The following CSMD1 variants were observed in gnomAD, a reference collection of about 807,000 sequenced individuals.
CSMD1 encodes CUB and Sushi multiple domains 1.
In CSMD1, 213 loss-of-function variants were observed where a neutral mutation model predicts 417.5. That is an observed-to-expected ratio of 0.51 (90% CI 0.46 to 0.57). The LOEUF (loss-of-function observed/expected upper bound fraction) is 0.57, where lower values mean the gene tolerates loss of function less well. Among genes scored for constraint, CSMD1 ranks in the 20% least tolerant of loss-of-function variants. CSMD1 has a pLI of 0.00. For synonymous variants in CSMD1, 2,862 were observed against 1,736.8 expected (o/e 1.65, Z -16.11); for missense variants, 6,923 against 4,529.7 (o/e 1.53, Z -15.17).
chr8:3,367,377 A>C (rs1809664321), intron 19 of CSMD1, 130 bp from the exon 20 acceptor site: 1 of 638,846 alleles, frequency 1.6e-6, no homozygotes. Flanking sequence ...AGAGAAAATA[A>C]GAGGGGAAGA....
At chr8:4,913,483 G>A (rs182055385) in intron 1 of CSMD1, among the ~76,000 whole-genome samples, 1 of 152,078 alleles carries the variant, frequency 6.6e-6, no homozygotes, top group African/African-American at 2.4e-5. Context: ...GCATCAAATA[G>A]AGAATGAAAA....
chr8:4,572,348 G>A (rs1289814593), intron 2 of CSMD1, among the ~76,000 whole-genome samples: 1 of 152,132 alleles, frequency 6.6e-6, no homozygotes, highest in Non-Finnish European at 1.5e-5. Flanking sequence ...CTTTTCTATG[G>A]AGGATTTTAT....
At chr8:4,968,568 G>C (rs543009740) in intron 1 of CSMD1, among the ~76,000 whole-genome samples, 1 of 151,558 alleles carries the variant, frequency 6.6e-6, no homozygotes, top group Non-Finnish European at 1.5e-5. Context: ...ATTTTTTTCC[G>C]GGCCTGAACC....
chr8:4,949,913 AGTGT>A (rs36057334), intron 1 of CSMD1, among the ~76,000 whole-genome samples: 12 of 151,082 alleles, frequency 7.9e-5, no homozygotes, highest in Admixed American at 2.0e-4. Context: ...CACCAACTTG[AGTGT>A]GTGTGTGTGT....
intron 3 of CSMD1, among the ~76,000 whole-genome samples, chr8:4,257,377 A>G (rs778879395): frequency 2.0e-5 from 3 of 152,152 alleles, no homozygotes; most frequent in African/African-American, 7.2e-5. Context: ...AGAAAATTAT[A>G]TATTACCATT....
chr8:3,581,175 C>A (rs113732797), intron 9 of CSMD1, among the ~76,000 whole-genome samples: 4 of 152,092 alleles, frequency 2.6e-5, no homozygotes, highest in African/African-American at 9.7e-5. Context: ...CCAGCCTGAA[C>A]ATTTTACTTA....
At chr8:3,874,962 C>G (rs1025429214) in intron 5 of CSMD1, among the ~76,000 whole-genome samples, 2 of 152,068 alleles carry the variant, frequency 1.3e-5, no homozygotes, top group Non-Finnish European at 2.9e-5. Flanking sequence ...GAGCTTCTAC[C>G]ATGAAGGAGC....
chr8:4,751,079 T>C (rs534232862), intron 1 of CSMD1, among the ~76,000 whole-genome samples: 1 of 152,268 alleles, frequency 6.6e-6, no homozygotes, highest in South Asian at 2.1e-4. Flanking sequence ...GATATACATG[T>C]GCATCGTTAA....
At chr8:4,897,997 TCTGTA>T (rs1804617201) in intron 1 of CSMD1, among the ~76,000 whole-genome samples, 1 of 152,150 alleles carries the variant, frequency 6.6e-6, no homozygotes, top group Admixed American at 6.5e-5. Context: ...TTCTTTTAGC[TCTGTA>T]CTGGAAAAAC....
intron 12 of CSMD1, among the ~76,000 whole-genome samples, chr8:3,433,535 T>C (rs1327949918): frequency 4.6e-5 from 7 of 152,210 alleles, no homozygotes; most frequent in Admixed American, 3.9e-4. Flanking sequence ...GTAATGACCA[T>C]GGTTCTTTCG....
At chr8:4,028,855 C>G (rs1797199264) in intron 4 of CSMD1, among the ~76,000 whole-genome samples, 1 of 152,134 alleles carries the variant, frequency 6.6e-6, no homozygotes. Flanking sequence ...ATTTTGTACT[C>G]AAAAGATAAA....
At chr8:3,814,185 C>CA (rs1801243634) in intron 5 of CSMD1, among the ~76,000 whole-genome samples, 2 of 152,298 alleles carry the variant, frequency 1.3e-5, no homozygotes, top group South Asian at 4.1e-4. Context: ...ATGCAAACTG[C>CA]AAGACACTTT....
intron 1 of CSMD1, among the ~76,000 whole-genome samples, chr8:4,978,673 C>G (rs910256757): frequency 6.6e-6 from 1 of 152,172 alleles, no homozygotes; most frequent in African/African-American, 2.4e-5. Context: ...CACGGTGGCT[C>G]ATTCCTGTAA....
intron 1 of CSMD1, among the ~76,000 whole-genome samples, chr8:4,829,296 T>C (rs1268700545): frequency 6.6e-6 from 1 of 152,204 alleles, no homozygotes; most frequent in Non-Finnish European, 1.5e-5. Flanking sequence ...ATAAGCTTTA[T>C]CCCATCAAAC....
intron 6 of CSMD1, among the ~76,000 whole-genome samples, chr8:3,736,239 T>C (rs1020459101): frequency 6.6e-6 from 1 of 151,134 alleles, no homozygotes; most frequent in Non-Finnish European, 1.5e-5. Context: ...GTGTATTTTT[T>C]TGTTTTGTTT....
rs78507908 is a variant in CSMD1, at chr8:3,610,393, G to C, written c.1097+6317C>G. On this transcript the variant is annotated intron_variant, in intron 8 of 69. Transcript: ENST00000635120. ...ACAAAAATCTTTTAACAAATTAATT[G>C]AGTCAGTGGCTCATGCTTATACTCC... Among the ~76,000 whole-genome samples, 12 of 152,164 alleles carry C rather than the reference G, an allele frequency of 7.9e-5. No homozygotes were observed. The East Asian group carries it at 2.1e-3, about 27-fold the overall frequency.
intron 4 of CSMD1, among the ~76,000 whole-genome samples, chr8:4,011,109 T>A (rs1816502794): frequency 2.0e-5 from 3 of 152,198 alleles, no homozygotes; most frequent in African/African-American, 7.2e-5. Context: ...ATAGAAGCAA[T>A]GAAAGATAAA....
chr8:4,198,788 C>T (rs775563846), intron 3 of CSMD1, among the ~76,000 whole-genome samples: 1 of 152,066 alleles, frequency 6.6e-6, no homozygotes, highest in Non-Finnish European at 1.5e-5. Flanking sequence ...AGTTCATCGA[C>T]TTTACTAGAT....
chr8:3,264,229 T>C (rs1405248599), intron 26 of CSMD1, among the ~76,000 whole-genome samples: 2 of 152,310 alleles, frequency 1.3e-5, no homozygotes, highest in East Asian at 3.9e-4. Context: ...TAGGAAACAT[T>C]CTCTGCGAAT....
Sources: allele counts gnomAD v4.1 joint callset (sites outside exome capture counted in the v4.1 genomes callset), GRCh38; gene constraint gnomAD v4.1.1; transcripts MANE v1.5; gene names NCBI Gene and HGNC (gene_info 2026-07-23, HGNC 2026-07-21).